ATXN7L1: variants seen among roughly 807,000 people sequenced by gnomAD.
ATXN7L1 encodes the protein ataxin 7 like 1.
In ATXN7L1, 15 loss-of-function variants were observed where a neutral mutation model predicts 70.8. The observed-to-expected ratio is 0.21, with a 90% confidence interval of 0.14 to 0.33. ATXN7L1 has a LOEUF of 0.33. Ranked by LOEUF, ATXN7L1 falls within the 10% of genes least tolerant of loss-of-function variation. The pLI is 1.00. For synonymous variants in ATXN7L1, 440 were observed against 445.1 expected (o/e 0.99, Z 0.14); for missense variants, 975 against 1,097.1 (o/e 0.89, Z 1.57).
At chr7:105,741,063 G>A (rs1797975173) in intron 3 of ATXN7L1, among the ~76,000 whole-genome samples, 1 of 152,000 alleles carries the variant, frequency 6.6e-6, no homozygotes, top group East Asian at 1.9e-4. Context: ...CGCACCCGGC[G>A]GTTGCTCCAT....
chr7:105,761,188 C>A (rs540532369), intron 3 of ATXN7L1: 2 of 1,391,000 alleles, frequency 1.4e-6, no homozygotes, highest in East Asian at 2.8e-5. Flanking sequence ...ACAGGTACCC[C>A]CTGCTCTGCT....
intron 3 of ATXN7L1, among the ~76,000 whole-genome samples, chr7:105,705,005 T>A (rs1792972914): frequency 6.6e-6 from 1 of 151,704 alleles, no homozygotes; most frequent in Admixed American, 6.6e-5. Context: ...TTGTAGAGAT[T>A]ATTTTTTATT....
intron 2 of ATXN7L1, among the ~76,000 whole-genome samples, chr7:105,824,879 G>A (rs548808062): frequency 2.7e-5 from 4 of 148,614 alleles, no homozygotes; most frequent in South Asian, 4.2e-4. Context: ...CTGAGATCAC[G>A]CCACTACACT....
intron 5 of ATXN7L1, among the ~76,000 whole-genome samples, chr7:105,641,475 C>T (rs571561979): frequency 5.9e-5 from 9 of 152,174 alleles, no homozygotes; most frequent in East Asian, 5.8e-4. Context: ...AAAGACCCGA[C>T]GAAACAAGAC....
intron 4 of ATXN7L1, among the ~76,000 whole-genome samples, chr7:105,647,889 T>C (rs903441786): frequency 3.9e-5 from 6 of 152,336 alleles, no homozygotes; most frequent in Non-Finnish European, 8.8e-5. Flanking sequence ...GACTGTCTCC[T>C]AATTTGGAAT....
rs138882403 is a variant in ATXN7L1 at position 105,656,891 on chromosome 7, T to C, written c.578+8175A>G. ...CTCCCCCTTTCTTGTAATGCAGTTA[T>C]TTTTTTAAGCTACTCAGTCACATAA... On this transcript the variant is annotated intron_variant, in intron 4 of 11. Transcript: ENST00000419735. 9.8e-5 allele frequency among the ~76,000 whole-genome samples: 15 copies of C among 152,306 alleles called. No individual in the cohort carries two copies. The East Asian group carries it at 2.9e-3, about 29-fold the overall frequency.
Position 105,773,071 on chromosome 7 carries a change from C to G in ATXN7L1, c.355+15533G>C, listed in dbSNP as rs935359834. On this transcript the variant is annotated intron_variant, in intron 3 of 11. Coordinates refer to ENST00000419735, the MANE Select transcript of ATXN7L1 (RefSeq NM_020725.2). The stretch of plus-strand genomic sequence containing the variant: ...GCCACTCCCTCACCATCCTTTACAT[C>G]TGAAAACTAAAATCACATTCCTAAA... Among the ~76,000 whole-genome samples, 88 of 152,182 alleles carry G rather than the reference C, an allele frequency of 5.8e-4. 1 individual carries two copies. Among genetic ancestry groups the G allele is most frequent in the African/African-American group, 2.1e-3 (88 of 41,428 alleles).
chr7:105,803,477 C>T (rs1009507833), intron 2 of ATXN7L1, among the ~76,000 whole-genome samples: 1 of 152,186 alleles, frequency 6.6e-6, no homozygotes, highest in Admixed American at 6.5e-5. Context: ...GCAGTATCCT[C>T]GGTGCTCTGG....
intron 3 of ATXN7L1, among the ~76,000 whole-genome samples, chr7:105,675,776 T>C (rs564621467): frequency 1.3e-4 from 19 of 151,532 alleles, no homozygotes; most frequent in African/African-American, 4.6e-4. Context: ...AACACTAACA[T>C]ATCCTTAAGC....
intron 4 of ATXN7L1, among the ~76,000 whole-genome samples, chr7:105,663,623 C>G (rs1286872539): frequency 6.6e-6 from 1 of 152,218 alleles, no homozygotes; most frequent in East Asian, 1.9e-4. Flanking sequence ...TCCTTAAGTA[C>G]TCCAAGGTGG....
chr7:105,798,015 C>T (rs907047416), intron 2 of ATXN7L1, among the ~76,000 whole-genome samples: 1 of 152,176 alleles, frequency 6.6e-6, no homozygotes, highest in Non-Finnish European at 1.5e-5. Context: ...TCTCTTCTCT[C>T]GAAAGGGGAA....
chr7:105,813,335 ATTTTTTTT>A (rs3036751), intron 2 of ATXN7L1, among the ~76,000 whole-genome samples: 1 of 128,908 alleles, frequency 7.8e-6, no homozygotes, highest in Non-Finnish European at 1.6e-5. Context: ...ACAATCTACA[ATTTTTTTT>A]TTTTTTTTTT....
At chr7:105,791,789 C>CATTT (rs1372203771) in intron 2 of ATXN7L1, among the ~76,000 whole-genome samples, 1 of 152,134 alleles carries the variant, frequency 6.6e-6, no homozygotes, top group Non-Finnish European at 1.5e-5. Flanking sequence ...ATTCAATAAG[C>CATTT]ATTTATATGG....
intron 3 of ATXN7L1, among the ~76,000 whole-genome samples, chr7:105,776,026 G>T (rs1156920606): frequency 6.6e-6 from 1 of 152,188 alleles, no homozygotes; most frequent in African/African-American, 2.4e-5. Flanking sequence ...TTTGGGAGAT[G>T]CTTCTCTGCT....
rs556808865 is a variant in ATXN7L1, at chr7:105,853,586, C to CA, written c.250+22225dup. Reference sequence around the variant, plus strand: ...AAACAAACAAAAAACAACAAACAAACAAAAAAAACAAAAAAAGCCCCACAA... The same window carrying CA: ...AAACAAACAAAAAACAACAAACAAACAAAAAAAAACAAAAAAAGCCCCACAA... On this transcript the variant is annotated intron_variant, in intron 2 of 11. Transcript: ENST00000419735. Among the ~76,000 whole-genome samples the CA allele has an allele frequency of 1.8e-3, 271 of 148,170 alleles. 1 individual carries two copies. Among genetic ancestry groups the CA allele is most frequent in the South Asian group, 8.2e-3 (38 of 4,654 alleles).
chr7:105,671,034 G>C (rs1803508857), intron 3 of ATXN7L1, among the ~76,000 whole-genome samples: 1 of 149,076 alleles, frequency 6.7e-6, no homozygotes, highest in African/African-American at 2.5e-5. Flanking sequence ...GTGAACCCGG[G>C]AGGCAGAGCT....
chr7:105,641,214 C>CTCTTTTTTTTTTTTTTTTTTTT (rs1316374331), intron 5 of ATXN7L1, among the ~76,000 whole-genome samples: 3 of 21,794 alleles, frequency 1.4e-4, no homozygotes, highest in Non-Finnish European at 2.6e-4. Context: ...CTCTCTCTCT[C>CTCTTTTTTTTTTTTTTTTTTTT]TTTTTTTTTT....
intron 3 of ATXN7L1, among the ~76,000 whole-genome samples, chr7:105,733,752 A>G (rs984374512): frequency 2.8e-5 from 4 of 141,644 alleles, no homozygotes; most frequent in East Asian, 2.4e-4. Flanking sequence ...CCAACCACCC[A>G]TCCATCCACC....
Position 105,637,701 on chromosome 7 carries a change from T to C in ATXN7L1, c.1202+652A>G, listed in dbSNP as rs565596502. ...TACTTTTAATCCAAATGAGTGTTAA[T>C]TCTGTTTTCTATTTTTTCATTTCTG... On this transcript the variant is annotated intron_variant, in intron 7 of 11. Coordinates refer to ENST00000419735, the MANE Select transcript of ATXN7L1 (RefSeq NM_020725.2). 2.0e-5 allele frequency among the ~76,000 whole-genome samples: 3 copies of C among 152,310 alleles called. No individual in the cohort carries two copies. In the East Asian group the frequency reaches 5.8e-4, roughly 29 times the overall value.
Sources: allele counts gnomAD v4.1 joint callset (sites outside exome capture counted in the v4.1 genomes callset), GRCh38; gene constraint gnomAD v4.1.1; transcripts MANE v1.5; gene names NCBI Gene and HGNC (gene_info 2026-07-23, HGNC 2026-07-21).